NCKAP1L: variants seen among roughly 807,000 people sequenced by gnomAD.
NCKAP1L encodes the protein nck-associated protein 1-like.
Under a neutral mutation model 139.2 loss-of-function variants are expected in NCKAP1L, and 53 were observed. The ratio of observed to expected loss-of-function variants is 0.38; its 90% CI spans 0.31 to 0.48. The LOEUF (loss-of-function observed/expected upper bound fraction) is 0.48. NCKAP1L is among the 20% of genes least tolerant of loss of function. NCKAP1L has a pLI of 0.98. For missense variants in NCKAP1L, 1,151 were observed against 1,381.9 expected, an observed-to-expected ratio of 0.83 and a Z score of 2.65; for synonymous variants, 468 against 499.7, an observed-to-expected ratio of 0.94 and a Z score of 0.85.
chr12:54,499,286 G>T, intron 1 of NCKAP1L, 69 bp from the exon 2 acceptor site: 1 of 895,800 alleles, frequency 1.1e-6, no homozygotes, highest in South Asian at 1.4e-5. Flanking sequence ...GAGAATGAAT[G>T]TTGCAAGAAG....
chr12:54,518,740 G>T lies in NCKAP1L; in HGVS notation c.1420+8G>T. 1 of 1,609,102 alleles carries T rather than the reference G, an allele frequency of 6.2e-7. No homozygotes were observed. Among genetic ancestry groups the T allele is most frequent in the Non-Finnish European group, 8.5e-7 (1 of 1,175,494 alleles). On this transcript the variant is annotated splice_region_variant and intron_variant, in intron 14 of 30. Coordinates refer to ENST00000293373, the MANE Select transcript of NCKAP1L (RefSeq NM_005337.5). ...CTCTGAATCTCAAACAAGGTAACTG[G>T]AGGGAGGTGGGGGAGGCAGGACATA...
At chr12:54,534,084 C>T (rs936725011) in intron 26 of NCKAP1L, among the ~76,000 whole-genome samples, 2 of 152,128 alleles carry the variant, frequency 1.3e-5, no homozygotes, top group Non-Finnish European at 1.5e-5. Flanking sequence ...TCTATGTGCT[C>T]AGCATTATGT....
At chr12:54,521,659 C>T (rs1026442874) in intron 18 of NCKAP1L, among the ~76,000 whole-genome samples, 2 of 152,166 alleles carry the variant, frequency 1.3e-5, no homozygotes, top group Non-Finnish European at 2.9e-5. Context: ...TTTTGAAGCA[C>T]CTCTTCTGTG....
Position 54,543,347 on chromosome 12 carries a change from C to T in NCKAP1L, c.*662C>T, listed in dbSNP as rs930794858. 1.3e-5 allele frequency: 2 copies of T among 152,230 alleles called. No individual in the cohort carries two copies. The highest frequency in any genetic ancestry group is 2.9e-5 in the Non-Finnish European group (2 of 68,088). 9.4% of individuals were successfully genotyped at this position (152,230 alleles called of 1,614,324 possible). On this transcript the variant is annotated 3_prime_UTR_variant, in exon 31 of 31. Transcript: ENST00000293373. Reference sequence around the variant, plus strand: ...GCCCTTCAGAGATGTTCACTGCCCACCTACTCTACTACATTGTTTGTTACA... The same window carrying T: ...GCCCTTCAGAGATGTTCACTGCCCATCTACTCTACTACATTGTTTGTTACA...
At chr12:54,522,996 G>T (rs1025527261) in intron 18 of NCKAP1L, among the ~76,000 whole-genome samples, 1 of 152,210 alleles carries the variant, frequency 6.6e-6, no homozygotes, top group African/African-American at 2.4e-5. Flanking sequence ...TATGTGAGAT[G>T]ATTGTCCCAT....
intron 3 of NCKAP1L, among the ~76,000 whole-genome samples, chr12:54,502,706 G>A (rs1249387): frequency 0.41 from 61,838 of 151,150 alleles, 13,284 homozygotes; most frequent in East Asian, 0.81. Context: ...TAACATTATG[G>A]CTGGGTGCTG....
intron 18 of NCKAP1L, among the ~76,000 whole-genome samples, chr12:54,522,595 A>C (rs965644291): frequency 3.3e-5 from 5 of 152,240 alleles, no homozygotes; most frequent in Non-Finnish European, 5.9e-5. Flanking sequence ...ATCTTTTTCC[A>C]TCAAGGTGGA....
rs560740146 is a variant in NCKAP1L, at chr12:54,539,068, A to T, written c.3273+95A>T. 3.8e-6 allele frequency: 4 copies of T among 1,046,124 alleles called. No homozygotes were observed. The African/African-American group carries it at 6.3e-5, about 16-fold the overall frequency. The allele number at this position is 1,046,124 out of a possible 1,614,324, so 64.8% of individuals were successfully genotyped here. A position where few individuals can be genotyped will look rare whatever the true frequency, so the allele number is the denominator to read the frequency against. On this transcript the variant is annotated intron_variant, in intron 30 of 30. Coordinates refer to ENST00000293373, the MANE Select transcript of NCKAP1L (RefSeq NM_005337.5). Reference sequence around the variant, plus strand: ...TCTTTGCATCCTTGCCATTCTTGTCACCCAAAAGCATTAACTAAGGACTTA... The same window carrying T: ...TCTTTGCATCCTTGCCATTCTTGTCTCCCAAAAGCATTAACTAAGGACTTA...
chr12:54,518,553 A>G, intron 13 of NCKAP1L, 98 bp from the exon 14 acceptor site: 1 of 964,788 alleles, frequency 1.0e-6, no homozygotes, highest in East Asian at 2.4e-5. Flanking sequence ...ACACTTAGCA[A>G]TTCTTTCTAC....
intron 22 of NCKAP1L, 22 bp downstream of exon 22, chr12:54,528,399 C>T: frequency 6.2e-7 from 1 of 1,610,850 alleles, no homozygotes; most frequent in South Asian, 1.1e-5. Flanking sequence ...GCCTGGTCTT[C>T]TTGTCAAGGA....
intron 28 of NCKAP1L, chr12:54,536,533 C>T (rs957490595): frequency 1.5e-5 from 5 of 336,758 alleles, no homozygotes; most frequent in Admixed American, 1.3e-4. Context: ...GCAGGGTGGC[C>T]TGTAGTCCCA....
At position 54,509,843 on chromosome 12, in the gene NCKAP1L, C is replaced by T. The variant is rs373167099; in HGVS notation, c.598-5C>T. 9.9e-6 allele frequency: 16 copies of T among 1,614,074 alleles called. No individual in the cohort carries two copies. The highest frequency in any genetic ancestry group is 2.7e-5 in the African/African-American group (2 of 74,928). On this transcript the variant is annotated splice_polypyrimidine_tract_variant and splice_region_variant and intron_variant, in intron 6 of 30. Transcript: ENST00000293373. ...CGCTAAGGTTTCATTTGCTTTTCCCCACAGGCTGTGAGTGGAGCCCTCCTC... is the reference window on the plus strand; with the variant it reads ...CGCTAAGGTTTCATTTGCTTTTCCCTACAGGCTGTGAGTGGAGCCCTCCTC...
chr12:54,506,796 A>AAAAAATGTATATATAT, intron 3 of NCKAP1L, among the ~76,000 whole-genome samples: 1 of 50,606 alleles, frequency 2.0e-5, no homozygotes, highest in Non-Finnish European at 3.0e-5. Flanking sequence ...AAAAAAAAAA[A>AAAAAATGTATATATAT]ATATATATAT....
At chr12:54,542,485 C>A in intron 30 of NCKAP1L, 90 bp from the exon 31 acceptor site, 1 of 944,816 alleles carries the variant, frequency 1.1e-6, no homozygotes. Flanking sequence ...CTCAGGGCCT[C>A]AGAGGGCCTG....
Position 54,528,352 on chromosome 12 carries a change from T to C in NCKAP1L, c.2481T>C (p.Ser827=). 11 of 1,614,012 alleles carry C rather than the reference T, an allele frequency of 6.8e-6. No individual in the cohort carries two copies. Among genetic ancestry groups the C allele is most frequent in the Non-Finnish European group, 9.3e-6 (11 of 1,179,954 alleles). Residue 827 remains serine, a synonymous_variant, in exon 22 of 31, where the codon AGT becomes AGC. Coordinates refer to ENST00000293373, the MANE Select transcript of NCKAP1L (RefSeq NM_005337.5). ...CCAGAGAAGGGGAGCAGAACTTCAG[T>C]GCAGAGGAGTTCTCTGACATCTCTG... ...SLPREGEQNF[S]AEEFSDISEM... is the part of the protein sequence containing the mutation.
Position 54,543,631 on chromosome 12 carries a change from A to G in NCKAP1L, c.*946A>G, listed in dbSNP as rs1260327425. 6.6e-6 allele frequency: 1 copy of G among 152,144 alleles called. No individual in the cohort carries two copies. Among genetic ancestry groups the G allele is most frequent in the African/African-American group, 2.4e-5 (1 of 41,438 alleles). The allele number at this position is 152,144 out of a possible 1,614,324, so 9.4% of individuals were successfully genotyped here. A position where few individuals can be genotyped will look rare whatever the true frequency, so the allele number is the denominator to read the frequency against. On this transcript the variant is annotated 3_prime_UTR_variant, in exon 31 of 31. Coordinates refer to ENST00000293373, the MANE Select transcript of NCKAP1L (RefSeq NM_005337.5). The stretch of plus-strand genomic sequence containing the variant: ...CTGGATCTTAAATTTCACAGACCTC[A>G]TTAGGTTGTATGGCCCTGAGAGTGG...
chr12:54,499,044 G>A (rs1048601250), intron 1 of NCKAP1L, among the ~76,000 whole-genome samples: 1 of 151,888 alleles, frequency 6.6e-6, no homozygotes. Context: ...TCCTGCCTCA[G>A]CCTCCCAAGT....
Position 54,517,571 on chromosome 12 carries a change from T to C in NCKAP1L, c.1134T>C (p.Asp378=). The change falls in exon 12 of 31, where the codon GAT becomes GAC. Residue 378 remains aspartate, a synonymous_variant. Transcript: ENST00000293373. ...TCATGGCCCTGTCCTTCATTCGTGA[T>C]GAGGTCACCTGGCTGGTTCGCCACA... The part of the protein sequence containing the change: ...FAFMALSFIR[D]EVTWLVRHTE... 4 of 1,614,118 alleles carry C rather than the reference T, an allele frequency of 2.5e-6. No homozygotes were observed. Among genetic ancestry groups the C allele is most frequent in the Non-Finnish European group, 3.4e-6 (4 of 1,179,954 alleles).
In NCKAP1L at chr12:54,531,478, T is replaced by C; in HGVS notation, c.2605-13T>C. 2 of 1,614,042 alleles carry C rather than the reference T, an allele frequency of 1.2e-6. No individual in the cohort carries two copies. The highest frequency in any genetic ancestry group is 1.7e-4 in the Middle Eastern group (1 of 6,060). ...CTTTTCCTGCTTAATGTCTCTGTGT[T>C]CCTGGACTACAGAAGCTGGTGGTGG... On this transcript the variant is annotated splice_polypyrimidine_tract_variant and intron_variant, in intron 23 of 30. Coordinates refer to ENST00000293373, the MANE Select transcript of NCKAP1L (RefSeq NM_005337.5).
Sources: allele counts gnomAD v4.1 joint callset (sites outside exome capture counted in the v4.1 genomes callset), GRCh38; gene constraint gnomAD v4.1.1; transcripts MANE v1.5; gene names NCBI Gene and HGNC (gene_info 2026-07-23, HGNC 2026-07-21).